Variants in CFAP46 observed in about 807,000 individuals in gnomAD.
CFAP46 encodes the protein cilia and flagella associated protein 46.
A neutral mutation model predicts 325.7 loss-of-function variants in CFAP46; 245 were observed. The ratio of observed to expected loss-of-function variants is 0.75; its 90% CI spans 0.68 to 0.84. The LOEUF (loss-of-function observed/expected upper bound fraction) is 0.84. CFAP46 is among the 40% of genes least tolerant of loss of function. The pLI, the probability that CFAP46 is intolerant of heterozygous loss-of-function variation, is 0.00. For synonymous variants in CFAP46, 1,523 were observed against 1,495.9 expected (o/e 1.02, Z -0.42); for missense variants, 3,346 against 3,543.0 (o/e 0.94, Z 1.41).
intron 7 of CFAP46, among the ~76,000 whole-genome samples, chr10:132,935,798 T>C (rs1175256539): frequency 2.7e-3 from 129 of 48,298 alleles, no homozygotes; most frequent in African/African-American, 4.3e-3. Context: ...TCCCCTCACA[T>C]CCAAACACAC....
chr10:132,848,737 G>A (rs377688946), intron 41 of CFAP46, among the ~76,000 whole-genome samples: 2 of 152,146 alleles, frequency 1.3e-5, no homozygotes, highest in Non-Finnish European at 1.5e-5. Flanking sequence ...CAGCCCACTC[G>A]GGCCCCCTCT....
intron 25 of CFAP46, among the ~76,000 whole-genome samples, chr10:132,887,754 C>T (rs368663838): frequency 0.029 from 1,673 of 58,662 alleles, 1 homozygote; most frequent in Admixed American, 0.059. Context: ...CTCTCCTCTC[C>T]CCTCTTCTCT....
rs180811293 is a variant in CFAP46, at chr10:132,842,785, C to T, written c.6438+3272G>A. Among the ~76,000 whole-genome samples the T allele has an allele frequency of 6.3e-3, 957 of 152,330 alleles. 9 individuals are homozygous for T. Among genetic ancestry groups the T allele is most frequent in the African/African-American group, 0.022 (906 of 41,578 alleles). ...CTTGCAGGTGGGGCCTCTGCAGAGT[C>T]CTGAGGTGGCCCAGAATGACACACG... is the stretch of plus-strand genomic sequence containing the variant. On this transcript the variant is annotated intron_variant, in intron 44 of 57. Transcript: ENST00000368586.
chr10:132,848,532 G>A (rs56177730), intron 41 of CFAP46, among the ~76,000 whole-genome samples: 13,257 of 151,012 alleles, frequency 0.088, 1,656 homozygotes, highest in African/African-American at 0.28. Flanking sequence ...GGTGGGCTCC[G>A]AGGGAACCTG....
chr10:132,908,356 C>G (rs1439899114), intron 22 of CFAP46, 112 bp downstream of exon 22: 1 of 1,324,640 alleles, frequency 7.5e-7, no homozygotes, highest in African/African-American at 1.5e-5. Context: ...GCTCCCTGCC[C>G]GTTTTGGGGA....
chr10:132,862,398 G>T (rs564926366), intron 35 of CFAP46, among the ~76,000 whole-genome samples: 6 of 150,776 alleles, frequency 4.0e-5, no homozygotes, highest in African/African-American at 1.2e-4. Flanking sequence ...GAGCTTGGCC[G>T]GGGGTGAGGA....
intron 24 of CFAP46, among the ~76,000 whole-genome samples, chr10:132,895,996 A>G (rs574602391): frequency 3.3e-4 from 26 of 79,094 alleles, no homozygotes; most frequent in Admixed American, 6.7e-4. Context: ...ACACGGCGAG[A>G]AGGCAGCCAG....
intron 25 of CFAP46, among the ~76,000 whole-genome samples, chr10:132,888,334 GCACC>G (rs1849198177): frequency 8.5e-6 from 1 of 118,238 alleles, no homozygotes. Flanking sequence ...CCTGCCGCCT[GCACC>G]TGCCACCTTC....
chr10:132,913,211 C>T lies in CFAP46; in HGVS notation c.2168G>A (p.Arg723His), dbSNP rs924180601. The T allele has an allele frequency of 6.5e-5, 101 of 1,550,366 alleles. No homozygotes were observed. Among genetic ancestry groups the T allele is most frequent in the African/African-American group, 2.1e-4 (15 of 73,070 alleles). The change falls in exon 18 of 58, where the codon CGC (arginine) becomes CAC (histidine). Residue 723 changes from arginine to histidine, a missense_variant. Coordinates refer to ENST00000368586, the MANE Select transcript of CFAP46 (RefSeq NM_001200049.3). ...LSRCAMNNWL[R>H]SAEIGQEIQE... The stretch of plus-strand genomic sequence containing the variant: ...GATCTCCTGTCCGATCTCTGCGGAG[C>T]GCAGCCAGTTATTCATGGCACACCG...
intron 27 of CFAP46, among the ~76,000 whole-genome samples, chr10:132,883,052 T>A (rs1404449368): frequency 6.6e-6 from 1 of 152,142 alleles, no homozygotes; most frequent in African/African-American, 2.4e-5. Flanking sequence ...TTCAAGACCT[T>A]GGGTTATGCA....
intron 50 of CFAP46, among the ~76,000 whole-genome samples, chr10:132,824,701 G>T (rs1340902139): frequency 1.7e-4 from 9 of 54,438 alleles, no homozygotes; most frequent in African/African-American, 6.0e-4. Context: ...TGTGTGCGCT[G>T]ATGTGTGCTG....
At chr10:132,816,303 T>A (rs1431908516) in intron 50 of CFAP46, among the ~76,000 whole-genome samples, 1 of 151,700 alleles carries the variant, frequency 6.6e-6, no homozygotes, top group Admixed American at 6.6e-5. Flanking sequence ...CTGGGGATCA[T>A]TCTGCCTCCT....
Position 132,833,400 on chromosome 10 carries a change from A to G in CFAP46, c.7075T>C (p.Ser2359Pro). The change falls in exon 50 of 58, where the codon TCT becomes CCT. Residue 2359 changes from serine (S) to proline (P), a missense_variant. Ser to Pro is a moderately conservative substitution (Grantham distance 74). Coordinates refer to ENST00000368586, the MANE Select transcript of CFAP46 (RefSeq NM_001200049.3). ...GTISSVSREF[S>P]LQMLWNRLHK... ...AGGCGATTCCACAGCATTTGAAGAG[A>G]AAATTCTCGTGACACAGAGGAAATT... 6.2e-7 allele frequency: 1 copy of G among 1,614,152 alleles called. No homozygotes were observed. The highest frequency in any genetic ancestry group is 8.5e-7 in the Non-Finnish European group (1 of 1,180,030).
chr10:132,828,528 A>G lies in CFAP46; in HGVS notation c.7117+4830T>C, dbSNP rs1236709840. 6.6e-6 allele frequency among the ~76,000 whole-genome samples: 1 copy of G among 152,074 alleles called. No individual in the cohort carries two copies. The highest frequency in any genetic ancestry group is 1.5e-5 in the Non-Finnish European group (1 of 67,998). On this transcript the variant is annotated intron_variant, in intron 50 of 57. Coordinates refer to ENST00000368586, the MANE Select transcript of CFAP46 (RefSeq NM_001200049.3). This position sits in a 1 kb window ranked among gnomAD's most constrained non-coding sequence, Gnocchi z 4.9. ...TGAAGTATCTGTTCAAATCTTTTTT[A>G]GGGTTGTTTCTTTCTTATTATTCAG... is the stretch of plus-strand genomic sequence containing the variant.
intron 35 of CFAP46, among the ~76,000 whole-genome samples, chr10:132,865,234 A>G (rs1436543473): frequency 6.6e-6 from 1 of 152,082 alleles, no homozygotes; most frequent in African/African-American, 2.4e-5. Flanking sequence ...TGGCAACTAC[A>G]CTCTGCACAG....
chr10:132,904,713 C>T (rs533372563), intron 22 of CFAP46, among the ~76,000 whole-genome samples: 6 of 152,338 alleles, frequency 3.9e-5, no homozygotes, highest in African/African-American at 1.4e-4. Flanking sequence ...ACTCTGCACC[C>T]TCACCTCTAT....
At chr10:132,863,298 C>T (rs1304366765) in intron 35 of CFAP46, among the ~76,000 whole-genome samples, 5 of 152,178 alleles carry the variant, frequency 3.3e-5, no homozygotes. Context: ...GGAGGCTTGA[C>T]TCTTGCCCCG....
At chr10:132,895,966 TAGGCTCTGTGTGCCATGAGACACGGC>T (rs1564793264) in intron 24 of CFAP46, among the ~76,000 whole-genome samples, 11 of 48,192 alleles carry the variant, frequency 2.3e-4, no homozygotes, top group East Asian at 2.3e-3. Context: ...AGAAGGCAGC[TAGGCTCTGTGTGCCATGAGACACGGC>T]GAGAAGGCAG....
At chr10:132,852,303 C>T (rs1296094433) in intron 39 of CFAP46, among the ~76,000 whole-genome samples, 1 of 110,520 alleles carries the variant, frequency 9.0e-6, no homozygotes, top group Non-Finnish European at 2.1e-5. Flanking sequence ...GATCCACAGA[C>T]GTGGTATGTT....
Sources: gnomAD v4.1 joint callset for allele counts (sites outside exome capture counted in the v4.1 genomes callset) on GRCh38, gnomAD v4.1.1 for gene constraint, Gnocchi (gnomAD v3.1) non-coding constraint, MANE v1.5 for transcripts, NCBI Gene and HGNC (gene_info 2026-07-23, HGNC 2026-07-21) for gene names.